The following HPSE2 variants were observed in gnomAD, a reference collection of about 807,000 sequenced individuals.
HPSE2 encodes heparanase 2 (inactive), also known as inactive heparanase-2.
Under a neutral mutation model 60.5 loss-of-function variants are expected in HPSE2, and 38 were observed. The observed-to-expected ratio is 0.63, with a 90% CI of 0.48 to 0.82. The LOEUF (loss-of-function observed/expected upper bound fraction) is 0.82. HPSE2 is among the 40% of genes least tolerant of loss of function. The probability of loss-of-function intolerance (pLI) is 0.00; values close to 1 mark genes in which losing one functional copy is unlikely to be tolerated. For synonymous variants in HPSE2, 295 were observed against 293.2 expected (o/e 1.01, Z -0.06); for missense variants, 713 against 740.4 (o/e 0.96, Z 0.43).
intron 9 of HPSE2, among the ~76,000 whole-genome samples, chr10:98,614,585 C>T (rs1380168735): frequency 6.6e-6 from 1 of 152,058 alleles, no homozygotes; most frequent in Admixed American, 6.5e-5. Context: ...AGCCACCGTG[C>T]CCGGCCTGGA....
chr10:98,985,634 C>T (rs1349262823), intron 3 of HPSE2, among the ~76,000 whole-genome samples: 5 of 152,148 alleles, frequency 3.3e-5, no homozygotes, highest in Admixed American at 3.3e-4. Context: ...CATATTCACA[C>T]ATAACAATAT....
chr10:98,975,735 A>G (rs1956068722), intron 3 of HPSE2, among the ~76,000 whole-genome samples: 1 of 152,190 alleles, frequency 6.6e-6, no homozygotes, highest in Non-Finnish European at 1.5e-5. Context: ...GTAAGTGTAG[A>G]TTATTCACCA....
the HPSE2 span, among the ~76,000 whole-genome samples, chr10:99,303,608 T>C: frequency 6.6e-6 from 1 of 152,178 alleles, no homozygotes; most frequent in Non-Finnish European, 1.5e-5. Flanking sequence ...AATAGCTAGT[T>C]GGGTACACCC....
intron 6 of HPSE2, among the ~76,000 whole-genome samples, chr10:98,649,476 G>C (rs1565047607): frequency 6.6e-6 from 1 of 152,150 alleles, no homozygotes; most frequent in Non-Finnish European, 1.5e-5. Flanking sequence ...TTTGTACTTT[G>C]ATCTGCCAAG....
rs140931195 is a variant in HPSE2, at chr10:98,706,057, T to C, written c.957-12110A>G. On this transcript the variant is annotated intron_variant, in intron 5 of 11. Transcript: ENST00000370552. ...AGTTTCTTATATGTATAGCTTCCCA[T>C]AGTCCTCAAAACAATCCAGTAAGGT... Among the ~76,000 whole-genome samples the C allele has an allele frequency of 2.4e-3, 367 of 152,040 alleles. 1 individual carries two copies. The highest frequency in any genetic ancestry group is 3.9e-3 in the Non-Finnish European group (262 of 68,002).
At chr10:99,065,949 C>T (rs552051536) in intron 3 of HPSE2, among the ~76,000 whole-genome samples, 1 of 126,426 alleles carries the variant, frequency 7.9e-6, no homozygotes, top group Admixed American at 8.0e-5. Flanking sequence ...TCATGGAAAA[C>T]AACTGAACAA....
the HPSE2 span, among the ~76,000 whole-genome samples, chr10:99,314,128 C>T: frequency 6.6e-6 from 1 of 152,138 alleles, no homozygotes; most frequent in African/African-American, 2.4e-5. Flanking sequence ...TTACTGAAGG[C>T]TCAGATGAGC....
At chr10:98,947,854 G>T (rs1225443547) in intron 3 of HPSE2, among the ~76,000 whole-genome samples, 1 of 152,072 alleles carries the variant, frequency 6.6e-6, no homozygotes, top group African/African-American at 2.4e-5. Flanking sequence ...TTGATGCTTT[G>T]TCCCTGAAGT....
At chr10:98,558,806 G>A (rs913859662) in intron 9 of HPSE2, among the ~76,000 whole-genome samples, 6 of 152,132 alleles carry the variant, frequency 3.9e-5, no homozygotes, top group South Asian at 2.1e-4. Context: ...AATATCTCAC[G>A]AAAGGGAGAT....
At chr10:98,850,736 C>CAAAAAAAAAAAAAAAAA (rs11345838) in intron 3 of HPSE2, among the ~76,000 whole-genome samples, 1 of 71,894 alleles carries the variant, frequency 1.4e-5, no homozygotes, top group Non-Finnish European at 2.6e-5. Context: ...GACTCCATCT[C>CAAAAAAAAAAAAAAAAA]AAAAAAAAAA....
chr10:98,701,758 T>C (rs1165243552), intron 5 of HPSE2, among the ~76,000 whole-genome samples: 2 of 152,082 alleles, frequency 1.3e-5, no homozygotes, highest in African/African-American at 4.8e-5. Context: ...AAGCAAATGC[T>C]GAGGGATTTT....
intron 11 of HPSE2, among the ~76,000 whole-genome samples, chr10:98,479,281 C>T (rs1247348367): frequency 6.6e-6 from 1 of 152,176 alleles, no homozygotes; most frequent in African/African-American, 2.4e-5. Context: ...AGCAGTTACA[C>T]ATTCTTCTGC....
chr10:98,616,927 G>C (rs1171474193), intron 8 of HPSE2, among the ~76,000 whole-genome samples: 1 of 152,152 alleles, frequency 6.6e-6, no homozygotes, highest in Non-Finnish European at 1.5e-5. Flanking sequence ...GAAATACCTT[G>C]TCAAAGGCTG....
the HPSE2 span, among the ~76,000 whole-genome samples, chr10:99,281,332 A>C: frequency 2.4e-5 from 3 of 125,988 alleles, no homozygotes; most frequent in African/African-American, 9.3e-5. Flanking sequence ...TATAATTACT[A>C]TATTTAATAA....
intron 9 of HPSE2, among the ~76,000 whole-genome samples, chr10:98,594,995 G>A (rs943125081): frequency 6.6e-6 from 1 of 151,978 alleles, no homozygotes; most frequent in Non-Finnish European, 1.5e-5. Context: ...ACATCACTTT[G>A]GGTAGTATGA....
At chr10:99,029,982 G>A (rs992011006) in intron 3 of HPSE2, among the ~76,000 whole-genome samples, 2 of 152,220 alleles carry the variant, frequency 1.3e-5, no homozygotes, top group African/African-American at 4.8e-5. Flanking sequence ...AGACACTGGT[G>A]TCACCGCTAG....
At chr10:98,743,081 T>C (rs1487199330) in intron 4 of HPSE2, among the ~76,000 whole-genome samples, 2 of 150,720 alleles carry the variant, frequency 1.3e-5, no homozygotes, top group East Asian at 3.9e-4. Context: ...CAAGCGATTC[T>C]CCTGCCTCAG....
intron 6 of HPSE2, among the ~76,000 whole-genome samples, chr10:98,675,725 C>A (rs1270695964): frequency 6.6e-6 from 1 of 151,982 alleles, no homozygotes; most frequent in Admixed American, 6.6e-5. Flanking sequence ...CAGCATAAGA[C>A]CCCTATCTAA....
At chr10:98,800,849 G>A (rs1377193604) in intron 3 of HPSE2, among the ~76,000 whole-genome samples, 4 of 152,134 alleles carry the variant, frequency 2.6e-5, no homozygotes, top group Non-Finnish European at 5.9e-5. Flanking sequence ...AATAGAGGAG[G>A]ACGGAATACT....
Sources: allele counts gnomAD v4.1 joint callset (sites outside exome capture counted in the v4.1 genomes callset), GRCh38; gene constraint gnomAD v4.1.1; transcripts MANE v1.5; gene names NCBI Gene and HGNC (gene_info 2026-07-23, HGNC 2026-07-21).